The following MOCS1 variants were observed in gnomAD, a reference collection of about 807,000 sequenced individuals.
The protein encoded by MOCS1 is molybdenum cofactor biosynthesis protein 1.
In MOCS1, 39 loss-of-function variants were observed where a neutral mutation model predicts 57.6. That is an observed-to-expected ratio of 0.68 (90% CI 0.52 to 0.88). MOCS1 has a LOEUF of 0.88. Among genes scored for constraint, MOCS1 ranks in the 40% least tolerant of loss-of-function variants. The pLI, the probability that MOCS1 is intolerant of heterozygous loss-of-function variation, is 0.00. For synonymous variants in MOCS1, 334 were observed against 335.7 expected, an observed-to-expected ratio of 1.00 and a Z score of 0.05; for missense variants, 795 against 831.1, an observed-to-expected ratio of 0.96 and a Z score of 0.53.
At chr6:39,927,957 T>C (rs1228207850) in intron 1 of MOCS1, among the ~76,000 whole-genome samples, 2 of 152,086 alleles carry the variant, frequency 1.3e-5, no homozygotes, top group African/African-American at 4.8e-5. Context: ...TATCGGTCCT[T>C]GGAGAGTACA....
At chr6:39,909,170 G>T (rs1052303005) in intron 9 of MOCS1, 68 bp from the exon 10 acceptor site, 2 of 647,796 alleles carry the variant, frequency 3.1e-6, no homozygotes, top group African/African-American at 4.2e-5. Context: ...GAAAGCAGGG[G>T]AGGGGGAGAG....
intron 10 of MOCS1, among the ~76,000 whole-genome samples, chr6:39,908,364 G>C (rs888869669): frequency 6.6e-6 from 1 of 152,166 alleles, no homozygotes; most frequent in Non-Finnish European, 1.5e-5. Context: ...TGGGCACCGT[G>C]ACAGAGGGGC....
intron 3 of MOCS1, among the ~76,000 whole-genome samples, chr6:39,923,980 G>C (rs182127352): frequency 6.6e-6 from 1 of 152,168 alleles, no homozygotes; most frequent in Non-Finnish European, 1.5e-5. Context: ...AGGGGCGGGG[G>C]GTCCTGTCCA....
Position 39,913,800 on chromosome 6 carries a change from T to A in MOCS1, c.619A>T (p.Ile207Phe), listed in dbSNP as rs772313342. ...TTCACAGGGTTGTAGCCCAGCTCGATGGCCTTGTGGATGCCCTCCATGACC... is the reference window on the plus strand; with the variant it reads ...TTCACAGGGTTGTAGCCCAGCTCGAAGGCCTTGTGGATGCCCTCCATGACC... ...HKVMEGIHKA[I>F]ELGYNPVKVN... is the part of the protein sequence containing the mutation. The change falls in exon 5 of 11, where the codon ATC (isoleucine) becomes TTC (phenylalanine). Residue 207 changes from isoleucine (I) to phenylalanine (F), a missense_variant. Ile to Phe is a conservative substitution (Grantham distance 21). Transcript: ENST00000340692. 4 of 1,614,216 alleles carry A rather than the reference T, an allele frequency of 2.5e-6. No individual in the cohort carries two copies. Among genetic ancestry groups the A allele is most frequent in the East Asian group, 4.5e-5 (2 of 44,880 alleles).
At chr6:39,926,520 G>A (rs940735674) in intron 2 of MOCS1, among the ~76,000 whole-genome samples, 15 of 151,036 alleles carry the variant, frequency 9.9e-5, no homozygotes, top group African/African-American at 3.2e-4. Flanking sequence ...GTCAAGATCT[G>A]TTAGAGAGTC....
intron 7 of MOCS1, among the ~76,000 whole-genome samples, 180 bp from the exon 8 acceptor site, chr6:39,912,554 T>C (rs1187337135): frequency 6.6e-6 from 1 of 152,180 alleles, no homozygotes; most frequent in African/African-American, 2.4e-5. Flanking sequence ...ACCCATGGGT[T>C]GACCTATGCC....
At position 39,904,404 on chromosome 6, in the gene MOCS1, G is replaced by T. The variant is rs182121961; in HGVS notation, c.*1953C>A. ...AGTAAGAAGGGGCTGGTGCCCAGTC[G>T]GGGTGGCTGAGCTGGTCCTTAATAG... On this transcript the variant is annotated 3_prime_UTR_variant, in exon 11 of 11. Coordinates refer to ENST00000340692, the MANE Select transcript of MOCS1 (RefSeq NM_001358530.2). 2 of 455,736 alleles carry T rather than the reference G, an allele frequency of 4.4e-6. No homozygotes were observed. The highest frequency in any genetic ancestry group is 8.8e-6 in the Non-Finnish European group (2 of 226,972). The allele number at this position is 455,736 out of a possible 1,614,324, so 28.2% of individuals were successfully genotyped here.
Position 39,905,927 on chromosome 6 carries a change from C to A in MOCS1, c.*430G>T. 2.2e-6 allele frequency: 1 copy of A among 464,088 alleles called. No individual in the cohort carries two copies. The allele number at this position is 464,088 out of a possible 1,614,324, so 28.7% of individuals were successfully genotyped here. A position where few individuals can be genotyped will look rare whatever the true frequency, so the allele number is the denominator to read the frequency against. Reference sequence around the variant, plus strand: ...TTCAGGCAAGCTTGTGCTTTGCTCTCCTCAAAGTGGGCTCCTCTGCTTAAT... The same window carrying A: ...TTCAGGCAAGCTTGTGCTTTGCTCTACTCAAAGTGGGCTCCTCTGCTTAAT... On this transcript the variant is annotated 3_prime_UTR_variant, in exon 11 of 11. Coordinates refer to ENST00000340692, the MANE Select transcript of MOCS1 (RefSeq NM_001358530.2).
At position 39,912,927 on chromosome 6, in the gene MOCS1, C is replaced by G. The variant is rs1353723732; in HGVS notation, c.835G>C (p.Glu279Gln). 3.7e-6 allele frequency: 6 copies of G among 1,614,184 alleles called. No individual in the cohort carries two copies. The East Asian group carries it at 1.3e-4, about 36-fold the overall frequency. Reference sequence around the variant, plus strand: ...CTGGATTCCTCCTCTGGCACCTTCTCCAGCTCTGGCCACTGCTGCCGGACA... The same window carrying G: ...CTGGATTCCTCCTCTGGCACCTTCTGCAGCTCTGGCCACTGCTGCCGGACA... ...DTVRQQWPEL[E>Q]KVPEEESSTA... Residue 279 changes from glutamate to glutamine, a missense_variant, in exon 7 of 11, where the codon GAG (glutamate) becomes CAG (glutamine). Glu to Gln is a conservative substitution (Grantham distance 29). Transcript: ENST00000340692.
chr6:39,905,362 T>C lies in MOCS1; in HGVS notation c.*995A>G, dbSNP rs1487133056. The C allele has an allele frequency of 1.1e-5, 5 of 461,486 alleles. No individual in the cohort carries two copies. The Middle Eastern group carries it at 1.3e-3, about 120-fold the overall frequency. The allele number at this position is 461,486 out of a possible 1,614,324, so 28.6% of individuals were successfully genotyped here. ...ACTTTATTTTCCCATAGCGGGGCTA[T>C]ACAGAGAGTACACCCTTAGGCCTTT... On this transcript the variant is annotated 3_prime_UTR_variant, in exon 11 of 11. Transcript: ENST00000340692.
At position 39,906,720 on chromosome 6, in the gene MOCS1, C is replaced by T. The variant is rs752893209; in HGVS notation, c.1548G>A (p.Pro516=). ...AVASAVVLLG[P]VAFKLVQQNQ... is the part of the protein sequence containing the mutation. ...TCTGCTGGACAAGCTTGAAGGCTAC[C>T]GGTCCCAGGAGGACCACGGCTGAAG... The change falls in exon 11 of 11, where the codon CCG becomes CCA. Residue 516 remains proline (P), a synonymous_variant. Transcript: ENST00000340692. 34 of 1,614,050 alleles carry T rather than the reference C, an allele frequency of 2.1e-5. 1 individual carries two copies. The highest frequency in any genetic ancestry group is 3.3e-4 in the Middle Eastern group (2 of 6,084).
chr6:39,905,893 G>GA lies in MOCS1; in HGVS notation c.*463dup, dbSNP rs1435362782. 1 of 469,038 alleles carries GA rather than the reference G, an allele frequency of 2.1e-6. No individual in the cohort carries two copies. The highest frequency in any genetic ancestry group is 2.4e-5 in the Admixed American group (1 of 42,480). 29.1% of individuals were successfully genotyped at this position (469,038 alleles called of 1,614,324 possible). ...GGCAGAGCTGCCGGGGAGAAGTTGG[G>GA]ATCCATTCTTCAGGCAAGCTTGTGC... On this transcript the variant is annotated 3_prime_UTR_variant, in exon 11 of 11. Coordinates refer to ENST00000340692, the MANE Select transcript of MOCS1 (RefSeq NM_001358530.2).
chr6:39,923,475 T>C (rs1443635860), intron 3 of MOCS1, among the ~76,000 whole-genome samples: 1 of 152,242 alleles, frequency 6.6e-6, no homozygotes, highest in African/African-American at 2.4e-5. Flanking sequence ...TGTACCTCCC[T>C]GACCAGTGAG....
chr6:39,919,805 T>A (rs776428084), intron 3 of MOCS1, among the ~76,000 whole-genome samples: 65 of 152,040 alleles, frequency 4.3e-4, no homozygotes, highest in Admixed American at 2.0e-3. Flanking sequence ...TGGAAAAAAA[T>A]TACATTGAAT....
chr6:39,904,331 T>C lies in MOCS1; in HGVS notation c.*2026A>G, dbSNP rs1289597141. On this transcript the variant is annotated 3_prime_UTR_variant, in exon 11 of 11. Transcript: ENST00000340692. ...GTGGCTCTGGTGCTAGATGCCACTG[T>C]AGCCAGATCTCCAACAGTGCCTTGG... 2 of 456,754 alleles carry C rather than the reference T, an allele frequency of 4.4e-6. No homozygotes were observed. The highest frequency in any genetic ancestry group is 4.4e-6 in the Non-Finnish European group (1 of 226,980). The allele number at this position is 456,754 out of a possible 1,614,324, so 28.3% of individuals were successfully genotyped here.
chr6:39,915,062 G>A (rs1767579609), intron 4 of MOCS1, among the ~76,000 whole-genome samples: 1 of 152,168 alleles, frequency 6.6e-6, no homozygotes, highest in East Asian at 1.9e-4. Flanking sequence ...GTTCTCTCCT[G>A]CTAAGAGTTC....
chr6:39,907,051 T>C lies in MOCS1; in HGVS notation c.1217A>G (p.His406Arg), dbSNP rs1473465922. ...NPSIFSWDPLHVQGLRPRMSF... is the reference protein window; with the variant it reads ...NPSIFSWDPLRVQGLRPRMSF... Reference sequence around the variant, plus strand: ...CATTCTGGGTCTTAGACCCTGAACATGGAGCGGGTCCCAGGAGAAAATGCT... The same window carrying C: ...CATTCTGGGTCTTAGACCCTGAACACGGAGCGGGTCCCAGGAGAAAATGCT... The change falls in exon 11 of 11, where the codon CAT becomes CGT. Residue 406 changes from histidine (H) to arginine (R), a missense_variant. Transcript: ENST00000340692. 1 of 1,613,380 alleles carries C rather than the reference T, an allele frequency of 6.2e-7. No individual in the cohort carries two copies. The highest frequency in any genetic ancestry group is 1.3e-5 in the African/African-American group (1 of 74,866).
intron 10 of MOCS1, among the ~76,000 whole-genome samples, chr6:39,908,844 T>C (rs1239541437): frequency 1.3e-5 from 2 of 152,100 alleles, no homozygotes; most frequent in Non-Finnish European, 2.9e-5. Context: ...GGATCATTTC[T>C]GTGGCAGGTA....
chr6:39,919,074 A>AG (rs1459387807), intron 3 of MOCS1, among the ~76,000 whole-genome samples: 18 of 152,330 alleles, frequency 1.2e-4, no homozygotes, highest in African/African-American at 4.3e-4. Context: ...GAGTAGATAA[A>AG]GGAAAATGAA....
Sources: allele counts gnomAD v4.1 joint callset (sites outside exome capture counted in the v4.1 genomes callset), GRCh38; gene constraint gnomAD v4.1.1; transcripts MANE v1.5; gene names NCBI Gene and HGNC (gene_info 2026-07-23, HGNC 2026-07-21).